NOL9: variants seen among roughly 807,000 people sequenced by gnomAD.
NOL9 encodes polynucleotide 5'-hydroxyl-kinase NOL9.
Under a neutral mutation model 67.9 loss-of-function variants are expected in NOL9, and 28 were observed. The ratio of observed to expected loss-of-function variants is 0.41; its 90% confidence interval spans 0.31 to 0.57. The LOEUF (loss-of-function observed/expected upper bound fraction) is 0.57. NOL9 is among the 20% of genes least tolerant of loss of function. The pLI, the probability that NOL9 is intolerant of heterozygous loss-of-function variation, is 0.25. For missense variants in NOL9, 777 were observed against 897.0 expected (o/e 0.87, Z 1.71); for synonymous variants, 356 against 352.2 (o/e 1.01, Z -0.12).
At chr1:6,548,783 T>A (rs533255174) in intron 3 of NOL9, among the ~76,000 whole-genome samples, 2 of 152,150 alleles carry the variant, frequency 1.3e-5, no homozygotes, top group East Asian at 3.9e-4. Flanking sequence ...AAGACAACCA[T>A]TAAAAACCCC....
At chr1:6,542,010 T>G (rs1372268118) in intron 5 of NOL9, 83 bp from the exon 6 acceptor site, 1 of 800,808 alleles carries the variant, frequency 1.2e-6, no homozygotes, top group Admixed American at 2.7e-5. Context: ...AGTAAAGATT[T>G]CATGTGACAC....
intron 10 of NOL9, among the ~76,000 whole-genome samples, 155 bp from the exon 11 acceptor site, chr1:6,526,984 G>A (rs979141404): frequency 6.6e-5 from 10 of 152,226 alleles, no homozygotes; most frequent in Non-Finnish European, 1.2e-4. Flanking sequence ...AGTGGCTCAC[G>A]CCTGTAATCC....
intron 1 of NOL9, among the ~76,000 whole-genome samples, chr1:6,551,967 G>A (rs59832133): frequency 0.8 from 121,133 of 151,730 alleles, 49,292 homozygotes; most frequent in Non-Finnish European, 0.87. Flanking sequence ...CCCGGGAGGC[G>A]GAGCTTGCAG....
At chr1:6,542,383 T>G (rs1169357911) in intron 5 of NOL9, among the ~76,000 whole-genome samples, 1 of 150,084 alleles carries the variant, frequency 6.7e-6, no homozygotes, top group African/African-American at 2.5e-5. Flanking sequence ...ATGGTCTCGA[T>G]CTCCTGATCT....
chr1:6,543,647 A>G (rs933270963), intron 5 of NOL9, among the ~76,000 whole-genome samples: 5 of 152,148 alleles, frequency 3.3e-5, no homozygotes, highest in Non-Finnish European at 5.9e-5. Flanking sequence ...CTGCAGATGT[A>G]AGCCACCATA....
intron 9 of NOL9, among the ~76,000 whole-genome samples, chr1:6,530,754 G>A (rs962130505): frequency 3.9e-5 from 6 of 152,348 alleles, no homozygotes; most frequent in African/African-American, 1.4e-4. Flanking sequence ...AATGAAGCAC[G>A]TCTTAGCCTT....
intron 6 of NOL9, among the ~76,000 whole-genome samples, chr1:6,539,111 A>G (rs893388184): frequency 1.3e-5 from 2 of 152,242 alleles, no homozygotes; most frequent in African/African-American, 2.4e-5. Flanking sequence ...GAAAACCAAC[A>G]TGAGACATTA....
chr1:6,532,852 T>C, intron 7 of NOL9, 92 bp from the exon 8 acceptor site: 1 of 1,205,354 alleles, frequency 8.3e-7, no homozygotes, highest in Non-Finnish European at 1.1e-6. Context: ...ATGGATGCAT[T>C]TGTTCTAAGA....
In NOL9 at chr1:6,521,990, A is replaced by T. The variant is rs1638780303; in HGVS notation, c.*3864T>A. ...GACAAGTGGTAGAGCCAGGATTTGAACTCAGAGCTCTATAATCAAAGCCTG... is the reference window on the plus strand; with the variant it reads ...GACAAGTGGTAGAGCCAGGATTTGATCTCAGAGCTCTATAATCAAAGCCTG... On this transcript the variant is annotated 3_prime_UTR_variant, in exon 12 of 12. Coordinates refer to ENST00000377705, the MANE Select transcript of NOL9 (RefSeq NM_024654.5). 6.6e-6 allele frequency: 1 copy of T among 152,176 alleles called. No individual in the cohort carries two copies. The highest frequency in any genetic ancestry group is 1.5e-5 in the Non-Finnish European group (1 of 68,024). 9.4% of individuals were successfully genotyped at this position (152,176 alleles called of 1,614,324 possible).
At chr1:6,534,252 T>C (rs1305119584) in intron 6 of NOL9, among the ~76,000 whole-genome samples, 5 of 152,090 alleles carry the variant, frequency 3.3e-5, no homozygotes, top group Non-Finnish European at 5.9e-5. Flanking sequence ...GATGAGGAAA[T>C]TGGGAAAGAG....
intron 7 of NOL9, among the ~76,000 whole-genome samples, chr1:6,533,072 A>T (rs1330445231): frequency 6.6e-6 from 1 of 152,162 alleles, no homozygotes; most frequent in Non-Finnish European, 1.5e-5. Context: ...CTACTCTGGA[A>T]GCTGAGGTGG....
chr1:6,536,630 G>C (rs1189801243), intron 6 of NOL9, among the ~76,000 whole-genome samples: 1 of 152,050 alleles, frequency 6.6e-6, no homozygotes, highest in Non-Finnish European at 1.5e-5. Context: ...GAGTTTGAGA[G>C]CAGCTTGGGC....
rs1428247132 is a variant in NOL9 at position 6,526,847 on chromosome 1, A to G, written c.1826-18T>C. ...ACAGATGCCTTCAAGACACGCGCAC[A>G]ACACAAAAATCACCCTTTTGGAAAA... On this transcript the variant is annotated intron_variant, in intron 10 of 11. Coordinates refer to ENST00000377705, the MANE Select transcript of NOL9 (RefSeq NM_024654.5). 6.4e-7 allele frequency: 1 copy of G among 1,559,520 alleles called. No homozygotes were observed. The highest frequency in any genetic ancestry group is 2.3e-5 in the East Asian group (1 of 44,178).
intron 5 of NOL9, among the ~76,000 whole-genome samples, chr1:6,543,201 CTTTTTTTTTTT>C (rs58473389): frequency 6.9e-6 from 1 of 145,050 alleles, no homozygotes; most frequent in African/African-American, 2.5e-5. Context: ...GCCTTTTTTT[CTTTTTTTTTTT>C]TGAGACAGAG....
At chr1:6,539,994 C>CT (rs945723377) in intron 6 of NOL9, among the ~76,000 whole-genome samples, 3 of 151,842 alleles carry the variant, frequency 2.0e-5, no homozygotes, top group East Asian at 1.9e-4. Flanking sequence ...GGGAGTTACT[C>CT]TTTTTTTTGA....
rs1450586492 is a variant in NOL9 at position 6,554,307 on chromosome 1, C to T, written c.196G>A (p.Ala66Thr). 1.4e-6 allele frequency: 2 copies of T among 1,476,992 alleles called. No individual in the cohort carries two copies. Among genetic ancestry groups the T allele is most frequent in the Non-Finnish European group, 1.8e-6 (2 of 1,117,094 alleles). The allele number at this position is 1,476,992 out of a possible 1,614,324, so 91.5% of individuals were successfully genotyped here. A position where few individuals can be genotyped will look rare whatever the true frequency, so the allele number is the denominator to read the frequency against. Reference protein sequence around the residue: ...QASGVDWREGARQVSRAAAAR... With the variant: ...QASGVDWREGTRQVSRAAAAR... ...GCCGCCGCGCGCGACACCTGGCGGGCTCCCTCCCTCCAGTCCACGCCGGAC... is the reference window on the plus strand; with the variant it reads ...GCCGCCGCGCGCGACACCTGGCGGGTTCCCTCCCTCCAGTCCACGCCGGAC... Residue 66 changes from alanine (A) to threonine (T), a missense_variant, in exon 1 of 12, where the codon GCC (alanine) becomes ACC (threonine). Around this residue, in one of 2 missense-constraint regions of NOL9, gnomAD observed 364 missense variants for 344.4 expected, o/e 1.06. Transcript: ENST00000377705.
chr1:6,550,953 G>C (rs1223159046), intron 1 of NOL9, among the ~76,000 whole-genome samples: 3 of 152,134 alleles, frequency 2.0e-5, no homozygotes, highest in Non-Finnish European at 4.4e-5. Context: ...AAAGTGCTGG[G>C]ATTACAGGCG....
intron 6 of NOL9, among the ~76,000 whole-genome samples, chr1:6,541,270 G>A (rs1035974544): frequency 2.6e-5 from 4 of 152,052 alleles, no homozygotes; most frequent in African/African-American, 4.8e-5. Context: ...TGCAACTTCC[G>A]TCTCCCGGTC....
rs139061788 is a variant in NOL9, at chr1:6,548,218, G to C, written c.744+1353C>G. 483 of 142,178 alleles carry C rather than the reference G, an allele frequency of 3.4e-3. 3 individuals are homozygous for C. Among genetic ancestry groups the C allele is most frequent in the African/African-American group, 0.012 (459 of 37,008 alleles). The allele number at this position is 142,178 out of a possible 1,614,324, so 8.8% of individuals were successfully genotyped here. On this transcript the variant is annotated intron_variant, in intron 3 of 11. Transcript: ENST00000377705. The stretch of plus-strand genomic sequence containing the variant: ...TGGAGTGTGCAGTGGCGCAATCTCA[G>C]CTCACTGCAACCTGCGCCTCCCAGG...
Sources: gnomAD v4.1 joint callset for allele counts (sites outside exome capture counted in the v4.1 genomes callset) on GRCh38, gnomAD v4.1.1 for gene constraint, gnomAD v4.1.1 regional missense constraint, MANE v1.5 for transcripts, NCBI Gene and HGNC (gene_info 2026-07-23, HGNC 2026-07-21) for gene names.